The following RGPD4 variants were observed in gnomAD, a reference collection of about 807,000 sequenced individuals.
RGPD4 encodes RANBP2 like and GRIP domain containing 4.
In RGPD4, 84 loss-of-function variants were observed where a neutral mutation model predicts 141.1. The ratio of observed to expected loss-of-function variants is 0.60; its 90% CI spans 0.50 to 0.71. The LOEUF (loss-of-function observed/expected upper bound fraction) is 0.71, where lower values mean the gene tolerates loss of function less well. Ranked by LOEUF, RGPD4 falls within the 30% of genes least tolerant of loss-of-function variation. RGPD4 has a pLI of 0.00. For missense variants in RGPD4, 918 were observed against 1,622.4 expected (o/e 0.57, Z 7.46); for synonymous variants, 298 against 566.8 (o/e 0.53, Z 6.74).
At chr2:107,844,442 G>A (rs1681844048) in intron 6 of RGPD4, among the ~76,000 whole-genome samples, 1 of 152,220 alleles carries the variant, frequency 6.6e-6, no homozygotes, top group Admixed American at 6.5e-5. Context: ...TTGAGTGGTT[G>A]CAGCAGAGAT....
chr2:107,852,614 C>A (rs1682157151), intron 7 of RGPD4, among the ~76,000 whole-genome samples: 1 of 54,632 alleles, frequency 1.8e-5, no homozygotes, highest in African/African-American at 1.7e-4. Flanking sequence ...TCTGGAGGCT[C>A]TTAAGAATAT....
intron 1 of RGPD4, among the ~76,000 whole-genome samples, chr2:107,833,131 A>G (rs148608477): frequency 0.052 from 7,726 of 147,824 alleles, 320 homozygotes; most frequent in Non-Finnish European, 0.078. Context: ...TTTGTAGCTG[A>G]TCAGATGGGT....
In RGPD4 at chr2:107,880,071, A is replaced by G; in HGVS notation, c.5028A>G (p.Ala1676=). The G allele has an allele frequency of 6.2e-7, 1 of 1,611,484 alleles. No individual in the cohort carries two copies. The highest frequency in any genetic ancestry group is 8.5e-7 in the Non-Finnish European group (1 of 1,179,858). The change falls in exon 21 of 23, where the codon GCA becomes GCG. Residue 1676 remains alanine, a synonymous_variant. Transcript: ENST00000408999. ...ACTTAAACGGCCTGCTTCGGGAAGCAGAGGCAACCAGTGCAGTCCTTATGG... is the reference window on the plus strand; with the variant it reads ...ACTTAAACGGCCTGCTTCGGGAAGCGGAGGCAACCAGTGCAGTCCTTATGG... ...ADHLNGLLRE[A]EATSAVLMEQ...
intron 7 of RGPD4, among the ~76,000 whole-genome samples, chr2:107,853,438 C>G (rs1341084874): frequency 1.4e-5 from 2 of 143,302 alleles, no homozygotes; most frequent in Non-Finnish European, 3.1e-5. Context: ...ATTCATCATG[C>G]TTTTTTTTTT....
In RGPD4 at chr2:107,890,970, G is replaced by A. The variant is rs1675642128; in HGVS notation, c.*239G>A. Reference sequence around the variant, plus strand: ...ACTTGAAGTAAAAGTACAACAGCTTGAAGTATTGATACCAGGCCACAGCCC... The same window carrying A: ...ACTTGAAGTAAAAGTACAACAGCTTAAAGTATTGATACCAGGCCACAGCCC... On this transcript the variant is annotated 3_prime_UTR_variant, in exon 23 of 23. Coordinates refer to ENST00000408999, the MANE Select transcript of RGPD4 (RefSeq NM_182588.3). The A allele has an allele frequency of 4.9e-6, 3 of 616,902 alleles. No homozygotes were observed. The highest frequency in any genetic ancestry group is 4.3e-5 in the South Asian group (2 of 46,668). The allele number at this position is 616,902 out of a possible 1,614,324, so 38.2% of individuals were successfully genotyped here.
intron 20 of RGPD4, among the ~76,000 whole-genome samples, chr2:107,877,875 G>A (rs186766093): frequency 1.7e-4 from 26 of 151,804 alleles, no homozygotes; most frequent in Middle Eastern, 3.4e-3. Flanking sequence ...GTGCAGTGGC[G>A]TGATCTTGGC....
In RGPD4 at chr2:107,871,200, A is replaced by T. The variant is rs763716667; in HGVS notation, c.3196A>T (p.Lys1066Ter). ...GEKVLYSQGV[K>*]LFRFDAEVRQ... is the part of the protein sequence containing the mutation. The stretch of plus-strand genomic sequence containing the variant: ...AAAAGTTCTGTATTCACAGGGGGTA[A>T]AACTATTTAGATTTGATGCTGAGGT... Residue 1066 changes from lysine (K) to a stop codon, truncating the protein, a stop_gained, in exon 20 of 23, where the codon AAA becomes TAA. Coordinates refer to ENST00000408999, the MANE Select transcript of RGPD4 (RefSeq NM_182588.3). LOFTEE classifies it high-confidence loss of function. 32 of 1,610,048 alleles carry T rather than the reference A, an allele frequency of 2.0e-5. No homozygotes were observed. In the South Asian group the frequency reaches 3.5e-4, roughly 18 times the overall value.
At chr2:107,883,491 G>T (rs1022042053) in intron 22 of RGPD4, among the ~76,000 whole-genome samples, 29 of 150,910 alleles carry the variant, frequency 1.9e-4, no homozygotes, top group South Asian at 4.2e-4. Context: ...TTAGCTGGAC[G>T]TGGTGGCATG....
chr2:107,849,362 C>CTT (rs60901392), intron 7 of RGPD4, among the ~76,000 whole-genome samples: 35 of 73,412 alleles, frequency 4.8e-4, no homozygotes, highest in East Asian at 1.5e-3. Context: ...CGCGCCTGGC[C>CTT]TTTTTTTTTT....
chr2:107,876,436 C>T (rs73951974), intron 20 of RGPD4, among the ~76,000 whole-genome samples: 3,904 of 151,538 alleles, frequency 0.026, 260 homozygotes, highest in African/African-American at 0.09. Flanking sequence ...TCTTGTTCTC[C>T]GTTGTTAGTC....
At chr2:107,881,471 C>T (rs1675364120) in intron 21 of RGPD4, among the ~76,000 whole-genome samples, 1 of 151,816 alleles carries the variant, frequency 6.6e-6, no homozygotes, top group Non-Finnish European at 1.5e-5. Flanking sequence ...GCACGCACCA[C>T]CATGCCCGGC....
chr2:107,837,188 C>CTTT, intron 2 of RGPD4, among the ~76,000 whole-genome samples: 1 of 41,886 alleles, frequency 2.4e-5, no homozygotes, highest in East Asian at 4.6e-4. Flanking sequence ...GGGAGGCAGG[C>CTTT]TTTTTTTTTT....
chr2:107,885,824 G>A (rs1408493480), intron 22 of RGPD4, among the ~76,000 whole-genome samples: 2 of 151,910 alleles, frequency 1.3e-5, no homozygotes, highest in Admixed American at 6.6e-5. Flanking sequence ...AGGCTGAGGA[G>A]GGTAGATCAC....
At chr2:107,828,604 C>T (rs1241647621) in intron 1 of RGPD4, among the ~76,000 whole-genome samples, 463 of 97,578 alleles carry the variant, frequency 4.7e-3, no homozygotes, top group Non-Finnish European at 7.5e-3. Flanking sequence ...CCTGGCCGGG[C>T]GGCGGCGGCC....
At chr2:107,830,644 G>A (rs375236162) in intron 1 of RGPD4, among the ~76,000 whole-genome samples, 6 of 151,672 alleles carry the variant, frequency 4.0e-5, no homozygotes, top group Non-Finnish European at 5.9e-5. Flanking sequence ...GCTATTCTGT[G>A]AAGTTAGGTT....
At chr2:107,882,071 C>A (rs1246497414) in intron 21 of RGPD4, among the ~76,000 whole-genome samples, 1 of 151,868 alleles carries the variant, frequency 6.6e-6, no homozygotes, top group East Asian at 1.9e-4. Flanking sequence ...TGGTACCAAC[C>A]CATGGCTCCA....
rs1436902886 is a variant in RGPD4 at position 107,879,364 on chromosome 2, A to C, written c.4925-604A>C. 5.4e-5 allele frequency among the ~76,000 whole-genome samples: 4 copies of C among 74,650 alleles called. 1 individual carries two copies. The allele number at this position is 74,650 out of a possible 152,430, so 49.0% of individuals were successfully genotyped here. A position where few individuals can be genotyped will look rare whatever the true frequency, so the allele number is the denominator to read the frequency against. The stretch of plus-strand genomic sequence containing the variant: ...TTCAGAATCACCTGGAGTAAGGGTC[A>C]TTTGTATTCATGGTCACTGACCACG... On this transcript the variant is annotated intron_variant, in intron 20 of 22. Coordinates refer to ENST00000408999, the MANE Select transcript of RGPD4 (RefSeq NM_182588.3).
chr2:107,873,523 G>A (rs1683001819), intron 20 of RGPD4, among the ~76,000 whole-genome samples: 1 of 137,204 alleles, frequency 7.3e-6, no homozygotes, highest in East Asian at 2.4e-4. Context: ...GCAGTGAGCT[G>A]AAATCATGCC....
At position 107,829,182 on chromosome 2, in the gene RGPD4, G is replaced by A. The variant is rs1289963150; in HGVS notation, c.72+2097G>A. Among the ~76,000 whole-genome samples, 9 of 17,064 alleles carry A rather than the reference G, an allele frequency of 5.3e-4. 1 individual carries two copies. The highest frequency in any genetic ancestry group is 1.7e-3 in the Admixed American group (4 of 2,402). 11.2% of individuals were successfully genotyped at this position (17,064 alleles called of 152,430 possible). A position where few individuals can be genotyped will look rare whatever the true frequency, so the allele number is the denominator to read the frequency against. ...CGCGCTCTGTTGAGGCGGCGGCCTCGACCCGGCCCGGCGGCGGCCTCCATG... is the reference window on the plus strand; with the variant it reads ...CGCGCTCTGTTGAGGCGGCGGCCTCAACCCGGCCCGGCGGCGGCCTCCATG... On this transcript the variant is annotated intron_variant, in intron 1 of 22. Coordinates refer to ENST00000408999, the MANE Select transcript of RGPD4 (RefSeq NM_182588.3).
Sources: gnomAD v4.1 joint callset for allele counts (sites outside exome capture counted in the v4.1 genomes callset) on GRCh38, gnomAD v4.1.1 for gene constraint, MANE v1.5 for transcripts, NCBI Gene and HGNC (gene_info 2026-07-23, HGNC 2026-07-21) for gene names.